ESPN: variants seen among roughly 807,000 people sequenced by gnomAD.
ESPN encodes autosomal recessive deafness type 36 protein.
A neutral mutation model predicts 77.7 loss-of-function variants in ESPN; 68 were observed. That is an observed-to-expected ratio of 0.87 (90% CI 0.72 to 1.07). The LOEUF is 1.07. Ranked by LOEUF, ESPN falls within the 50% of genes least tolerant of loss-of-function variation. The pLI is 0.00. For synonymous variants in ESPN, 449 were observed against 567.1 expected, an observed-to-expected ratio of 0.79 and a Z score of 2.96; for missense variants, 1,060 against 1,239.0, an observed-to-expected ratio of 0.86 and a Z score of 2.17.
At chr1:6,452,432 G>A (rs1329627677) in intron 10 of ESPN, among the ~76,000 whole-genome samples, 3 of 152,030 alleles carry the variant, frequency 2.0e-5, no homozygotes, top group Admixed American at 2.0e-4. Flanking sequence ...GGGATTACAG[G>A]CATGAACCAC....
intron 7 of ESPN, 35 bp downstream of exon 7, chr1:6,445,970 AG>A (rs779461368): frequency 6.2e-7 from 1 of 1,610,200 alleles, no homozygotes; most frequent in African/African-American, 1.3e-5. Context: ...GCCTCCCAGC[AG>A]GGGGACTGGG....
intron 2 of ESPN, among the ~76,000 whole-genome samples, chr1:6,435,802 A>G (rs1233830678): frequency 6.6e-6 from 1 of 152,238 alleles, no homozygotes; most frequent in African/African-American, 2.4e-5. Flanking sequence ...TCCCAGGTAC[A>G]GGGAAGGATC....
In ESPN at chr1:6,444,600, C is replaced by T. The variant is rs774821820; in HGVS notation, c.1110C>T (p.Leu370=). ...CGGTCCAGCCGCTGAACTTTGACCTCAGCTCGCCTACCAGCACCCTCTCCA... is the reference window on the plus strand; with the variant it reads ...CGGTCCAGCCGCTGAACTTTGACCTTAGCTCGCCTACCAGCACCCTCTCCA... ...TVSVQPLNFD[L]SSPTSTLSNY... The change falls in exon 6 of 13, where the codon CTC becomes CTT. Residue 370 remains leucine, a synonymous_variant. Coordinates refer to ENST00000645284, the MANE Select transcript of ESPN (RefSeq NM_031475.3). 6.2e-7 allele frequency: 1 copy of T among 1,614,230 alleles called. No homozygotes were observed. The highest frequency in any genetic ancestry group is 8.5e-7 in the Non-Finnish European group (1 of 1,180,032).
At chr1:6,429,122 A>C (rs2148504088) in intron 2 of ESPN, among the ~76,000 whole-genome samples, 1 of 151,672 alleles carries the variant, frequency 6.6e-6, no homozygotes, top group Admixed American at 6.6e-5. Flanking sequence ...GGAGGGACTC[A>C]GGTGTTAGGT....
intron 2 of ESPN, among the ~76,000 whole-genome samples, chr1:6,429,094 GGGGAGGGAGGGAGGGA>G (rs373980812): frequency 6.7e-6 from 1 of 149,694 alleles, no homozygotes; most frequent in East Asian, 2.0e-4. Flanking sequence ...TGTGAGTCTT[GGGGAGGGAGGGAGGGA>G]GGGAGGGACT....
chr1:6,455,299 A>G (rs1172205133), intron 10 of ESPN: 8 of 387,146 alleles, frequency 2.1e-5, no homozygotes, highest in East Asian at 7.3e-5. Flanking sequence ...CTCTTCCTGG[A>G]GCACTGGCGC....
In ESPN at chr1:6,457,264, G is replaced by A; in HGVS notation, c.2405+1G>A. 1 of 1,614,150 alleles carries A rather than the reference G, an allele frequency of 6.2e-7. No homozygotes were observed. Among genetic ancestry groups the A allele is most frequent in the Non-Finnish European group, 8.5e-7 (1 of 1,179,966 alleles). ...TGCGGAAGAAGCTGGAAGAAGAGAG[G>A]TGAGCTGGGGGTCAGGCAGAGGCTG... is the stretch of plus-strand genomic sequence containing the variant. On this transcript the variant is annotated splice_donor_variant, in intron 11 of 12. Coordinates refer to ENST00000645284, the MANE Select transcript of ESPN (RefSeq NM_031475.3). LOFTEE classifies it high-confidence loss of function.
At chr1:6,446,739 C>T (rs1643854208) in intron 7 of ESPN, among the ~76,000 whole-genome samples, 1 of 152,184 alleles carries the variant, frequency 6.6e-6, no homozygotes, top group Admixed American at 6.5e-5. Flanking sequence ...GGTGAGGGGA[C>T]AGCCTGAGGT....
At chr1:6,456,299 A>G (rs1644057172) in intron 10 of ESPN, 2 of 388,848 alleles carry the variant, frequency 5.1e-6, no homozygotes, top group Admixed American at 4.5e-5. Context: ...GGAAGAGCCC[A>G]GGACTGTGGC....
chr1:6,428,161 A>T lies in ESPN; in HGVS notation c.295-65A>T. ...CCTTCCAGGCCTGTGGGAGTCTGGG[A>T]GTGGCCCAAGCCAGGGGCGGGGCAG... On this transcript the variant is annotated intron_variant, in intron 1 of 12. Transcript: ENST00000645284. The surrounding 1 kb of genome is among the most constrained non-coding windows in gnomAD (Gnocchi z 5.4). The T allele has an allele frequency of 5.2e-6, 8 of 1,546,582 alleles. No homozygotes were observed. The highest frequency in any genetic ancestry group is 1.8e-4 in the Middle Eastern group (1 of 5,606).
chr1:6,455,925 CAGG>C lies in ESPN; in HGVS notation c.2326-1256_2326-1254del, dbSNP rs1569750091. 1.3e-5 allele frequency: 5 copies of C among 398,778 alleles called. No individual in the cohort carries two copies. In the East Asian group the frequency reaches 1.8e-4, roughly 14 times the overall value. 24.7% of individuals were successfully genotyped at this position (398,778 alleles called of 1,614,324 possible). On this transcript the variant is annotated intron_variant, in intron 10 of 12. Coordinates refer to ENST00000645284, the MANE Select transcript of ESPN (RefSeq NM_031475.3). ...GGAAAAGGAAGAGGAGGGGAAAGAA[CAGG>C]AGCGGACCGAAGAGGCTGCTCCATT...
intron 2 of ESPN, among the ~76,000 whole-genome samples, chr1:6,435,172 G>C (rs1373573861): frequency 1.3e-5 from 2 of 152,136 alleles, no homozygotes; most frequent in African/African-American, 2.4e-5. Context: ...GACACCGAGA[G>C]CCATAGAGCC....
intron 10 of ESPN, 114 bp from the exon 11 acceptor site, chr1:6,457,070 A>G (rs1338299642): frequency 9.7e-7 from 1 of 1,033,110 alleles, no homozygotes; most frequent in Non-Finnish European, 1.5e-6. Flanking sequence ...TGTCACACAG[A>G]TGTGCATCAA....
chr1:6,449,343 C>A (rs78418455), intron 8 of ESPN, among the ~76,000 whole-genome samples: 1 of 152,200 alleles, frequency 6.6e-6, no homozygotes, highest in Non-Finnish European at 1.5e-5. Context: ...CCTCCCACCC[C>A]CTAGCTGTGT....
At chr1:6,442,346 A>C (rs986828663) in intron 5 of ESPN, among the ~76,000 whole-genome samples, 5 of 152,158 alleles carry the variant, frequency 3.3e-5, no homozygotes, top group Non-Finnish European at 7.4e-5. Flanking sequence ...AAAGGCAGGC[A>C]GATCACGAGG....
At chr1:6,448,298 G>A (rs1188060569) in intron 7 of ESPN, among the ~76,000 whole-genome samples, 7 of 152,160 alleles carry the variant, frequency 4.6e-5, no homozygotes, top group Non-Finnish European at 1.0e-4. Context: ...GCCTAGTGAG[G>A]GCTAAGCTGG....
Position 6,436,037 on chromosome 1 carries a change from C to A in ESPN, c.489-4217C>A, listed in dbSNP as rs560172432. Among the ~76,000 whole-genome samples the A allele has an allele frequency of 3.3e-5, 5 of 152,340 alleles. No homozygotes were observed. In the East Asian group the frequency reaches 9.6e-4, roughly 29 times the overall value. Reference sequence around the variant, plus strand: ...CGAAGCCGGGGCCCTCCCTGCAGGTCCTCCTGCCGGGGCTGTGCCCCAGCA... The same window carrying A: ...CGAAGCCGGGGCCCTCCCTGCAGGTACTCCTGCCGGGGCTGTGCCCCAGCA... On this transcript the variant is annotated intron_variant, in intron 2 of 12. Transcript: ENST00000645284.
intron 8 of ESPN, among the ~76,000 whole-genome samples, chr1:6,449,298 G>C (rs182982599): frequency 6.6e-6 from 1 of 152,220 alleles, no homozygotes. Flanking sequence ...CGGGCTGCAC[G>C]GCCTGGGGCA....
Position 6,447,272 on chromosome 1 carries a change from C to T in ESPN, c.1464+1337C>T, listed in dbSNP as rs1048691901. 1 of 152,290 alleles carries T rather than the reference C, an allele frequency of 6.6e-6. No individual in the cohort carries two copies. The highest frequency in any genetic ancestry group is 2.4e-5 in the African/African-American group (1 of 41,448). 9.4% of individuals were successfully genotyped at this position (152,290 alleles called of 1,614,324 possible). On this transcript the variant is annotated intron_variant, in intron 7 of 12. Coordinates refer to ENST00000645284, the MANE Select transcript of ESPN (RefSeq NM_031475.3). This position sits in a 1 kb window ranked among gnomAD's most constrained non-coding sequence, Gnocchi z 5.2. ...CGTGTGCGTGCTGGGCCGCAGGCGCCAGGGCCGGGGCCCGGACGCTCCACA... is the reference window on the plus strand; with the variant it reads ...CGTGTGCGTGCTGGGCCGCAGGCGCTAGGGCCGGGGCCCGGACGCTCCACA...
Sources: allele counts gnomAD v4.1 joint callset (sites outside exome capture counted in the v4.1 genomes callset), GRCh38; gene constraint gnomAD v4.1.1; non-coding constraint Gnocchi (gnomAD v3.1); transcripts MANE v1.5; gene names NCBI Gene and HGNC (gene_info 2026-07-23, HGNC 2026-07-21).